The following CNOT1 variants were observed in gnomAD, a reference collection of about 807,000 sequenced individuals.
CNOT1 encodes the protein CCR4-associated factor 1.
In CNOT1, 15 loss-of-function variants were observed where a neutral mutation model predicts 273.8. The observed-to-expected ratio is 0.05, with a 90% CI of 0.04 to 0.08. The LOEUF is 0.08. Ranked by LOEUF, CNOT1 falls within the 10% of genes least tolerant of loss-of-function variation. CNOT1 has a pLI of 1.00. For missense variants in CNOT1, 1,644 were observed against 2,912.2 expected, an observed-to-expected ratio of 0.56 and a Z score of 10.02; for synonymous variants, 1,022 against 1,005.5, an observed-to-expected ratio of 1.02 and a Z score of -0.31.
intron 13 of CNOT1, among the ~76,000 whole-genome samples, chr16:58,577,604 AAAG>A (rs2041503108): frequency 6.6e-6 from 1 of 152,214 alleles, no homozygotes; most frequent in Non-Finnish European, 1.5e-5. Flanking sequence ...AAAGGGGAAG[AAAG>A]TTTTTTTCTG....
At chr16:58,527,933 T>G (rs925352244) in intron 44 of CNOT1, 2 of 259,112 alleles carry the variant, frequency 7.7e-6, no homozygotes, top group African/African-American at 2.3e-5. Flanking sequence ...CTGGCTGACA[T>G]GGCGAAACCC....
At chr16:58,533,138 AAGAC>A (rs953235274) in intron 40 of CNOT1, 1 of 152,258 alleles carries the variant, frequency 6.6e-6, no homozygotes, top group African/African-American at 2.4e-5. Flanking sequence ...ACTATATTCT[AAGAC>A]AGAGCGGGTA....
Position 58,578,644 on chromosome 16 carries a change from C to T in CNOT1, c.1584+55G>A, listed in dbSNP as rs1053355436. The T allele has an allele frequency of 5.0e-6, 8 of 1,595,192 alleles. No individual in the cohort carries two copies. In the African/African-American group the frequency reaches 1.1e-4, roughly 21 times the overall value. On this transcript the variant is annotated intron_variant, in intron 13 of 48. Transcript: ENST00000317147. ...CTCTGGTTGAGCTTCCTCAACACTC[C>T]AAAGAAGATCAATTATTCAGATGAA...
At position 58,530,349 on chromosome 16, in the gene CNOT1, TGAAA is replaced by T. The variant is rs534518317; in HGVS notation, c.6178-6_6178-3del. On this transcript the variant is annotated splice_region_variant and splice_polypyrimidine_tract_variant and intron_variant, in intron 42 of 48. Transcript: ENST00000317147. The stretch of plus-strand genomic sequence containing the variant: ...TAGCTGTGCATACATAGGCCACCCC[TGAAA>T]GAAAGAAATGTACATGAGTCATAAT... 70 of 1,602,406 alleles carry T rather than the reference TGAAA, an allele frequency of 4.4e-5. No individual in the cohort carries two copies. Among genetic ancestry groups the T allele is most frequent in the Non-Finnish European group, 2.9e-5 (34 of 1,173,488 alleles).
chr16:58,550,749 T>C (rs528107296), intron 24 of CNOT1, among the ~76,000 whole-genome samples: 60 of 152,332 alleles, frequency 3.9e-4, no homozygotes, highest in Admixed American at 7.8e-4. Context: ...GGGTCAACTA[T>C]ACTGTCTTAC....
intron 17 of CNOT1, chr16:58,559,982 T>C (rs2040774145): frequency 1.6e-6 from 2 of 1,238,648 alleles, no homozygotes; most frequent in East Asian, 5.4e-5. Flanking sequence ...CCCTCTTCAT[T>C]TACCTAAATA....
In CNOT1 at chr16:58,610,837, C is replaced by A. The variant is rs147843606; in HGVS notation, c.-174-11326G>T. On this transcript the variant is annotated intron_variant, in intron 1 of 48. Coordinates refer to ENST00000317147, the MANE Select transcript of CNOT1 (RefSeq NM_016284.5). ...CAGCCTGGGCAACAGAGTGAGACTCCGTCTCAAAAAAACATAAAACAAACA... is the reference window on the plus strand; with the variant it reads ...CAGCCTGGGCAACAGAGTGAGACTCAGTCTCAAAAAAACATAAAACAAACA... 4.1e-3 allele frequency among the ~76,000 whole-genome samples: 597 copies of A among 147,402 alleles called. 5 individuals carry two copies. Among genetic ancestry groups the A allele is most frequent in the African/African-American group, 0.014 (564 of 39,648 alleles).
chr16:58,584,402 C>A (rs758723697), intron 8 of CNOT1, among the ~76,000 whole-genome samples: 1 of 151,920 alleles, frequency 6.6e-6, no homozygotes, highest in Non-Finnish European at 1.5e-5. Context: ...ACGATCTTGG[C>A]TCACTGCAAT....
intron 2 of CNOT1, among the ~76,000 whole-genome samples, chr16:58,596,647 G>T (rs1159429990): frequency 6.6e-6 from 1 of 152,010 alleles, no homozygotes; most frequent in Non-Finnish European, 1.5e-5. Flanking sequence ...CAGCACTTTG[G>T]GAGGCCAAGG....
Position 58,588,971 on chromosome 16 carries a change from C to G in CNOT1, c.103-65G>C, listed in dbSNP as rs1018897189. 3 of 1,488,022 alleles carry G rather than the reference C, an allele frequency of 2.0e-6. No homozygotes were observed. The African/African-American group carries it at 4.3e-5, about 21-fold the overall frequency. 92.2% of individuals were successfully genotyped at this position (1,488,022 alleles called of 1,614,324 possible). ...AAAACAAAAAAAAAAAGTAAGGTTT[C>G]AAAAAAGAAAATCAACCTCCAAGGC... On this transcript the variant is annotated intron_variant, in intron 2 of 48. Coordinates refer to ENST00000317147, the MANE Select transcript of CNOT1 (RefSeq NM_016284.5).
chr16:58,561,257 T>C (rs1270466405), intron 16 of CNOT1, among the ~76,000 whole-genome samples: 1 of 152,196 alleles, frequency 6.6e-6, no homozygotes, highest in Non-Finnish European at 1.5e-5. Flanking sequence ...CACTCATCAC[T>C]AGAATTTTCT....
At chr16:58,591,985 A>G (rs1473642172) in intron 2 of CNOT1, among the ~76,000 whole-genome samples, 4 of 152,086 alleles carry the variant, frequency 2.6e-5, no homozygotes, top group Non-Finnish European at 5.9e-5. Flanking sequence ...ATGTTTTACT[A>G]CAGCCATAAA....
At position 58,587,131 on chromosome 16, in the gene CNOT1, G is replaced by A; in HGVS notation, c.433+70C>T. 1.9e-6 allele frequency: 3 copies of A among 1,542,726 alleles called. No individual in the cohort carries two copies. The African/African-American group carries it at 4.2e-5, about 21-fold the overall frequency. On this transcript the variant is annotated intron_variant, in intron 6 of 48. Transcript: ENST00000317147. The stretch of plus-strand genomic sequence containing the variant: ...TCTTACTCTCTAAGTCTAAATCACA[G>A]AGCCTCATGATTAAAAACCCACGTA...
intron 24 of CNOT1, among the ~76,000 whole-genome samples, 198 bp from the exon 25 acceptor site, chr16:58,550,096 C>T (rs189427949): frequency 7.2e-5 from 11 of 152,326 alleles, no homozygotes; most frequent in African/African-American, 2.6e-4. Context: ...TCAACCCATA[C>T]GTGATTGGGA....
intron 44 of CNOT1, among the ~76,000 whole-genome samples, chr16:58,526,763 C>T (rs536445703): frequency 3.0e-4 from 45 of 149,668 alleles, no homozygotes; most frequent in East Asian, 1.4e-3. Flanking sequence ...TTGCAGTGAG[C>T]CACAGCTCGC....
intron 2 of CNOT1, among the ~76,000 whole-genome samples, chr16:58,595,843 A>G (rs771951567): frequency 2.6e-5 from 4 of 152,242 alleles, no homozygotes; most frequent in Non-Finnish European, 4.4e-5. Flanking sequence ...CCCATGGGCC[A>G]GAATTTCTAA....
In CNOT1 at chr16:58,578,452, C is replaced by CAAAA. The variant is rs61105275; in HGVS notation, c.1584+243_1584+246dup. ...TGGGCGACAGAGCAAGACACCATCT[C>CAAAA]AAAAAAAAAAAAAAAAGGAAAGAAA... On this transcript the variant is annotated intron_variant, in intron 13 of 48. Transcript: ENST00000317147. Among the ~76,000 whole-genome samples, 301 of 103,050 alleles carry CAAAA rather than the reference C, an allele frequency of 2.9e-3. 1 individual carries two copies. Among genetic ancestry groups the CAAAA allele is most frequent in the East Asian group, 0.019 (45 of 2,346 alleles). The allele number at this position is 103,050 out of a possible 152,430, so 67.6% of individuals were successfully genotyped here.
chr16:58,599,024 C>G (rs1209317363), intron 2 of CNOT1: 3 of 409,032 alleles, frequency 7.3e-6, no homozygotes, highest in Non-Finnish European at 1.3e-5. Context: ...GCACTCCAGC[C>G]TGGACGACAG....
At chr16:58,532,577 A>G in intron 40 of CNOT1, 182 bp from the exon 41 acceptor site, 1 of 1,075,028 alleles carries the variant, frequency 9.3e-7, no homozygotes, top group Non-Finnish European at 1.3e-6. Context: ...CTCCGCCTTC[A>G]GTGTTTTGTG....
Sources: gnomAD v4.1 joint callset for allele counts (sites outside exome capture counted in the v4.1 genomes callset) on GRCh38, gnomAD v4.1.1 for gene constraint, MANE v1.5 for transcripts, NCBI Gene and HGNC (gene_info 2026-07-23, HGNC 2026-07-21) for gene names.